Variants in HTR2C observed in about 807,000 individuals in gnomAD.
HTR2C encodes 5-hydroxytryptamine receptor 2C.
Under a neutral mutation model 21.0 loss-of-function variants are expected in HTR2C, and 5 were observed. The observed-to-expected ratio is 0.24, with a 90% confidence interval of 0.12 to 0.50. The LOEUF is 0.50. Ranked by LOEUF, HTR2C falls within the 20% of genes least tolerant of loss-of-function variation. The pLI, the probability that HTR2C is intolerant of heterozygous loss-of-function variation, is 0.98. For missense variants in HTR2C, 271 were observed against 371.2 expected (o/e 0.73, Z 2.22); for synonymous variants, 150 against 145.3 (o/e 1.03, Z -0.23).
In HTR2C at chrX:114,761,266, G is replaced by A. The variant is rs782131318; in HGVS notation, c.349+29659G>A. Among the ~76,000 whole-genome samples the A allele has an allele frequency of 7.2e-5, 8 of 111,456 alleles. No individual in the cohort carries two copies. The South Asian group carries it at 3.0e-3, about 42-fold the overall frequency. On this transcript the variant is annotated intron_variant, in intron 4 of 5. Coordinates refer to ENST00000276198, the MANE Select transcript of HTR2C (RefSeq NM_000868.4). ...ATTAGGCTTGGTTTTCTGTTCACCT[G>A]AGTCAAAAAACCTGTGGATCAGAAA... is the stretch of plus-strand genomic sequence containing the variant.
At chrX:114,791,914 C>T (rs1378001720) in intron 4 of HTR2C, among the ~76,000 whole-genome samples, 1 of 111,119 alleles carries the variant, frequency 9.0e-6, no homozygotes, top group Non-Finnish European at 1.9e-5. Flanking sequence ...CTTTAGATGG[C>T]CATTTTCATT....
chrX:114,750,839 A>T (rs1327826671), intron 4 of HTR2C, among the ~76,000 whole-genome samples: 1 of 112,163 alleles, frequency 8.9e-6, no homozygotes, highest in Admixed American at 9.5e-5. Flanking sequence ...ACCTACAAAG[A>T]AAGGTAGCAG....
intron 4 of HTR2C, among the ~76,000 whole-genome samples, chrX:114,798,684 A>T (rs1452270493): frequency 9.0e-6 from 1 of 110,896 alleles, no homozygotes; most frequent in African/African-American, 3.3e-5. Flanking sequence ...GTGAAAACCC[A>T]TTATGTTTTC....
intron 2 of HTR2C, among the ~76,000 whole-genome samples, chrX:114,620,702 G>A (rs918700767): frequency 1.8e-5 from 2 of 111,088 alleles, no homozygotes; most frequent in East Asian, 2.8e-4. Flanking sequence ...AATTGCACTC[G>A]GCTATTTTGC....
At position 114,722,999 on chromosome X, in the gene HTR2C, A is replaced by G. The variant is rs782270271; in HGVS notation, c.-79-3859A>G. Among the ~76,000 whole-genome samples, 12 of 111,298 alleles carry G rather than the reference A, an allele frequency of 1.1e-4. No individual in the cohort carries two copies. In the South Asian group the frequency reaches 2.3e-3, roughly 21 times the overall value. ...CTCTTTTTTGGTTGTGTCTCTGCCC[A>G]GCTTTGGTATCAGGATGATGCTGGC... On this transcript the variant is annotated intron_variant, in intron 2 of 5. Coordinates refer to ENST00000276198, the MANE Select transcript of HTR2C (RefSeq NM_000868.4).
chrX:114,805,987 T>C (rs1439590806), intron 4 of HTR2C, among the ~76,000 whole-genome samples: 1 of 84,540 alleles, frequency 1.2e-5, no homozygotes, highest in Non-Finnish European at 2.2e-5. Flanking sequence ...ACCATATATA[T>C]ACACCATATA....
intron 5 of HTR2C, among the ~76,000 whole-genome samples, chrX:114,896,736 T>C (rs1456836491): frequency 3.6e-5 from 4 of 112,267 alleles, no homozygotes; most frequent in Admixed American, 9.5e-5. Flanking sequence ...TATGTCTTCA[T>C]ATTTAAAGTT....
At chrX:114,634,630 C>A (rs782812383) in intron 2 of HTR2C, among the ~76,000 whole-genome samples, 1 of 110,669 alleles carries the variant, frequency 9.0e-6, no homozygotes, top group Non-Finnish European at 1.9e-5. Flanking sequence ...GGCAATATGG[C>A]AAAACCTTGT....
intron 2 of HTR2C, among the ~76,000 whole-genome samples, chrX:114,698,439 AAC>A (rs1238584989): frequency 4.7e-5 from 2 of 42,968 alleles, no homozygotes; most frequent in African/African-American, 6.5e-5. Flanking sequence ...CACAGGCACA[AAC>A]ACACACACAC....
At chrX:114,903,697 A>G (rs1465372363) in intron 5 of HTR2C, among the ~76,000 whole-genome samples, 1 of 112,441 alleles carries the variant, frequency 8.9e-6, no homozygotes, top group Non-Finnish European at 1.9e-5. Flanking sequence ...AAGTGATACA[A>G]ACTTCCACCA....
At chrX:114,742,926 G>A (rs1272982392) in intron 4 of HTR2C, among the ~76,000 whole-genome samples, 1 of 53,255 alleles carries the variant, frequency 1.9e-5, no homozygotes, top group African/African-American at 7.0e-5. Flanking sequence ...TCCCCTTCCT[G>A]TGTCCATGTG....
chrX:114,845,884 A>G (rs2070870166), intron 4 of HTR2C, among the ~76,000 whole-genome samples: 1 of 109,745 alleles, frequency 9.1e-6, no homozygotes, highest in South Asian at 3.9e-4. Context: ...ATGGTGCCAC[A>G]TGTTTGTGGC....
chrX:114,851,723 C>A (rs1190910994), intron 5 of HTR2C, among the ~76,000 whole-genome samples: 1 of 110,894 alleles, frequency 9.0e-6, no homozygotes, highest in Non-Finnish European at 1.9e-5. Flanking sequence ...TTTCATATAT[C>A]CCATCAGCTT....
At chrX:114,811,629 T>C (rs1269523200) in intron 4 of HTR2C, among the ~76,000 whole-genome samples, 1 of 112,594 alleles carries the variant, frequency 8.9e-6, no homozygotes, top group Non-Finnish European at 1.9e-5. Flanking sequence ...TTTAATTCGC[T>C]GATAAACATG....
intron 2 of HTR2C, among the ~76,000 whole-genome samples, chrX:114,697,965 G>A (rs1438392577): frequency 8.9e-6 from 1 of 111,734 alleles, no homozygotes; most frequent in Non-Finnish European, 1.9e-5. Flanking sequence ...AGAGGCTCTG[G>A]AAAAAATCTG....
At chrX:114,726,023 T>C (rs1556421847) in intron 2 of HTR2C, among the ~76,000 whole-genome samples, 2 of 111,650 alleles carry the variant, frequency 1.8e-5, no homozygotes, top group African/African-American at 6.5e-5. Context: ...CAGGCCTCCT[T>C]GAGCTGTGGT....
intron 5 of HTR2C, among the ~76,000 whole-genome samples, chrX:114,896,826 T>A (rs782597167): frequency 2.7e-5 from 3 of 112,036 alleles, no homozygotes; most frequent in Non-Finnish European, 5.6e-5. Context: ...ACGATTTGGA[T>A]CAATTACATT....
At chrX:114,671,774 T>A (rs1479275029) in intron 2 of HTR2C, among the ~76,000 whole-genome samples, 2 of 112,270 alleles carry the variant, frequency 1.8e-5, no homozygotes, top group Non-Finnish European at 3.8e-5. Flanking sequence ...AAATTGGTAT[T>A]CACAGTAATA....
chrX:114,781,672 T>A (rs940536783), intron 4 of HTR2C, among the ~76,000 whole-genome samples: 1 of 109,717 alleles, frequency 9.1e-6, no homozygotes, highest in Admixed American at 9.8e-5. Flanking sequence ...AGTTAATTTT[T>A]AAATTTTTTG....
Sources: allele counts gnomAD v4.1 joint callset (sites outside exome capture counted in the v4.1 genomes callset), GRCh38; gene constraint gnomAD v4.1.1; transcripts MANE v1.5; gene names NCBI Gene and HGNC (gene_info 2026-07-23, HGNC 2026-07-21).